The following B3GALT1 variants were observed in gnomAD, a reference collection of about 807,000 sequenced individuals.
B3GALT1 encodes the protein UDP-Gal:betaGlcNAc beta 1,3-galactosyltransferase, polypeptide 1.
In B3GALT1, 10 loss-of-function variants were observed where a neutral mutation model predicts 23.2. That is an observed-to-expected ratio of 0.43 (90% CI 0.27 to 0.73). The LOEUF is 0.73. Ranked by LOEUF, B3GALT1 falls within the 30% of genes least tolerant of loss-of-function variation. The probability of loss-of-function intolerance (pLI) is 0.21; values close to 1 mark genes in which losing one functional copy is unlikely to be tolerated. For synonymous variants in B3GALT1, 156 were observed against 141.5 expected, an observed-to-expected ratio of 1.10 and a Z score of -0.73; for missense variants, 299 against 405.4, an observed-to-expected ratio of 0.74 and a Z score of 2.25.
At chr2:167,487,547 A>G (rs867024921) in intron 1 of B3GALT1, among the ~76,000 whole-genome samples, 1 of 152,176 alleles carries the variant, frequency 6.6e-6, no homozygotes, top group Non-Finnish European at 1.5e-5. Flanking sequence ...TCTCATGTTA[A>G]TAGTATTCTT....
chr2:167,312,812 C>A (rs1247420006), intron 1 of B3GALT1, among the ~76,000 whole-genome samples: 1 of 152,010 alleles, frequency 6.6e-6, no homozygotes, highest in Non-Finnish European at 1.5e-5. Flanking sequence ...CAAGATAGCA[C>A]AACAGTTTAG....
chr2:167,440,930 C>A (rs1461398912), intron 1 of B3GALT1, among the ~76,000 whole-genome samples: 1 of 151,746 alleles, frequency 6.6e-6, no homozygotes, highest in East Asian at 1.9e-4. Context: ...CTTTTTTGAA[C>A]CTTTAAAATA....
intron 4 of B3GALT1, among the ~76,000 whole-genome samples, chr2:167,833,818 C>A (rs958830295): frequency 1.3e-5 from 2 of 152,126 alleles, no homozygotes; most frequent in African/African-American, 4.8e-5. Context: ...AGTACAAATT[C>A]CCAAAGGAAA....
chr2:167,495,438 A>T (rs1699770649), intron 2 of B3GALT1, among the ~76,000 whole-genome samples: 1 of 144,130 alleles, frequency 6.9e-6, no homozygotes, highest in African/African-American at 2.6e-5. Context: ...GGTTCAAGTG[A>T]TTCTCCTGCC....
chr2:167,812,760 G>GA (rs928406391), intron 3 of B3GALT1, among the ~76,000 whole-genome samples: 1 of 151,984 alleles, frequency 6.6e-6, no homozygotes, highest in Non-Finnish European at 1.5e-5. Flanking sequence ...TTAAAATCAG[G>GA]AAAAATAGGC....
rs766172004 is a variant in B3GALT1, at chr2:167,512,596, A to ATATATATATATGTATATATATATGTGTG, written c.-410+22342_-410+22343insGTGTGTATATATATATGTATATATATAT. Among the ~76,000 whole-genome samples, 5 of 75,334 alleles carry ATATATATATATGTATATATATATGTGTG rather than the reference A, an allele frequency of 6.6e-5. 1 individual carries two copies. Among genetic ancestry groups the ATATATATATATGTATATATATATGTGTG allele is most frequent in the Admixed American group, 1.5e-4 (1 of 6,852 alleles). The allele number at this position is 75,334 out of a possible 152,430, so 49.4% of individuals were successfully genotyped here. Reference sequence around the variant, plus strand: ...TATATATATGTATATATATATGTGTATATATATATATGTATATATATATAC... The same window carrying ATATATATATATGTATATATATATGTGTG: ...TATATATATGTATATATATATGTGTATATATATATATGTATATATATATGTGTGTATATATATATGTATATATATATAC... On this transcript the variant is annotated intron_variant, in intron 2 of 4. Coordinates refer to ENST00000392690, the MANE Select transcript of B3GALT1 (RefSeq NM_020981.4).
At chr2:167,520,068 A>T (rs1314465242) in intron 2 of B3GALT1, among the ~76,000 whole-genome samples, 1 of 152,002 alleles carries the variant, frequency 6.6e-6, no homozygotes, top group East Asian at 1.9e-4. Flanking sequence ...AAGAAAGAAA[A>T]ATATATTAAT....
intron 2 of B3GALT1, among the ~76,000 whole-genome samples, chr2:167,509,278 G>A (rs916997233): frequency 7.2e-5 from 11 of 152,170 alleles, no homozygotes; most frequent in African/African-American, 2.7e-4. Context: ...CTCATGCATA[G>A]TAAATATCAA....
At chr2:167,452,861 G>A (rs952762676) in intron 1 of B3GALT1, among the ~76,000 whole-genome samples, 3 of 152,116 alleles carry the variant, frequency 2.0e-5, no homozygotes, top group African/African-American at 4.8e-5. Context: ...TCTTAACCCT[G>A]GGTGCCATGA....
chr2:167,656,771 T>G (rs532274482), intron 3 of B3GALT1, among the ~76,000 whole-genome samples: 3 of 152,280 alleles, frequency 2.0e-5, no homozygotes, highest in Admixed American at 6.5e-5. Flanking sequence ...TGGACCATAT[T>G]CCCTTAATAA....
At chr2:167,406,230 A>T (rs1248130064) in intron 1 of B3GALT1, among the ~76,000 whole-genome samples, 1 of 152,108 alleles carries the variant, frequency 6.6e-6, no homozygotes, top group Non-Finnish European at 1.5e-5. Context: ...TATAGGGGAA[A>T]CTTTTCATGA....
At chr2:167,488,376 A>G (rs942608065) in intron 1 of B3GALT1, among the ~76,000 whole-genome samples, 4 of 152,196 alleles carry the variant, frequency 2.6e-5, no homozygotes, top group Admixed American at 2.6e-4. Flanking sequence ...GTCTGTGAGA[A>G]TAAGGGCTGT....
chr2:167,711,704 C>A (rs571753334), intron 3 of B3GALT1, among the ~76,000 whole-genome samples: 1 of 152,246 alleles, frequency 6.6e-6, no homozygotes, highest in East Asian at 1.9e-4. Context: ...GTGACTCATG[C>A]ATGTAATCCC....
At chr2:167,759,306 T>C (rs1687865224) in intron 3 of B3GALT1, among the ~76,000 whole-genome samples, 1 of 152,178 alleles carries the variant, frequency 6.6e-6, no homozygotes, top group East Asian at 1.9e-4. Flanking sequence ...TTCAGTTTCC[T>C]TGTCTCTAAA....
intron 1 of B3GALT1, among the ~76,000 whole-genome samples, chr2:167,349,401 C>T (rs1697276260): frequency 6.6e-6 from 1 of 152,080 alleles, no homozygotes; most frequent in South Asian, 2.1e-4. Flanking sequence ...CATAATGGCC[C>T]CAACGTGCAA....
At chr2:167,667,818 T>C (rs961888174) in intron 3 of B3GALT1, among the ~76,000 whole-genome samples, 1 of 152,222 alleles carries the variant, frequency 6.6e-6, no homozygotes, top group African/African-American at 2.4e-5. Flanking sequence ...TAAGCACTTC[T>C]CTGTATTGGT....
intron 1 of B3GALT1, among the ~76,000 whole-genome samples, chr2:167,398,715 A>T (rs1011330113): frequency 6.6e-6 from 1 of 152,170 alleles, no homozygotes; most frequent in Middle Eastern, 3.2e-3. Context: ...AACTGCTCAG[A>T]GTATCATTCA....
intron 1 of B3GALT1, among the ~76,000 whole-genome samples, chr2:167,416,183 C>T (rs1698467207): frequency 6.6e-6 from 1 of 152,128 alleles, no homozygotes; most frequent in South Asian, 2.1e-4. Context: ...CTCTCTCTTC[C>T]ATCACAGGCC....
intron 3 of B3GALT1, among the ~76,000 whole-genome samples, chr2:167,662,107 A>G (rs1413378863): frequency 2.0e-5 from 3 of 151,454 alleles, no homozygotes; most frequent in African/African-American, 7.3e-5. Flanking sequence ...TTTCAGCAAG[A>G]CAGAGAATTA....
Sources: allele counts gnomAD v4.1 joint callset (sites outside exome capture counted in the v4.1 genomes callset), GRCh38; gene constraint gnomAD v4.1.1; transcripts MANE v1.5; gene names NCBI Gene and HGNC (gene_info 2026-07-23, HGNC 2026-07-21).